PPIA: variants seen among roughly 807,000 people sequenced by gnomAD.
The protein encoded by PPIA is peptidylprolyl isomerase A, also known as peptidyl-prolyl cis-trans isomerase A.
PPIA carries 2 observed loss-of-function variants against 15.3 expected under a neutral mutation model. The ratio of observed to expected loss-of-function variants is 0.13; its 90% CI spans 0.05 to 0.41. The LOEUF (loss-of-function observed/expected upper bound fraction) is 0.41. Ranked by LOEUF, PPIA falls within the 10% of genes least tolerant of loss-of-function variation. PPIA has a pLI of 0.99. For synonymous variants in PPIA, 67 were observed against 73.1 expected (o/e 0.92, Z 0.43); for missense variants, 103 against 210.3 (o/e 0.49, Z 3.16).
intron 1 of PPIA, among the ~76,000 whole-genome samples, chr7:44,797,691 A>G (rs1792421305): frequency 1.3e-5 from 2 of 152,244 alleles, no homozygotes; most frequent in Non-Finnish European, 2.9e-5. Context: ...AGTTGTAATT[A>G]TAGCATAGTA....
At chr7:44,800,116 G>A (rs1792501212) in intron 4 of PPIA, 1 of 504,082 alleles carries the variant, frequency 2.0e-6, no homozygotes, top group African/African-American at 1.9e-5. Flanking sequence ...TTGAGATGGA[G>A]TTTTGCTCTG....
At chr7:44,799,151 G>A (rs1240461312) in intron 1 of PPIA, 96 bp from the exon 2 acceptor site, 3 of 1,365,816 alleles carry the variant, frequency 2.2e-6, no homozygotes, top group Non-Finnish European at 3.1e-6. Context: ...AAGTATTCTA[G>A]TGAGAAAATG....
chr7:44,799,568 C>G, intron 3 of PPIA, 88 bp downstream of exon 3: 1 of 1,566,912 alleles, frequency 6.4e-7, no homozygotes, highest in Middle Eastern at 1.7e-4. Context: ...CATATCTGAA[C>G]TGTTACTCTA....
At chr7:44,798,710 T>C (rs1792456665) in intron 1 of PPIA, 6 of 978,716 alleles carry the variant, frequency 6.1e-6, no homozygotes, top group South Asian at 9.4e-5. Flanking sequence ...AAACCAGATA[T>C]ACTAGAAACC....
chr7:44,799,125 AAAGT>A, intron 1 of PPIA, 118 bp from the exon 2 acceptor site: 1 of 1,243,512 alleles, frequency 8.0e-7, no homozygotes, highest in South Asian at 1.5e-5. Flanking sequence ...CTTGGGAATT[AAAGT>A]AATTACTGAA....
chr7:44,800,485 C>G (rs1339307945), intron 4 of PPIA: 2 of 152,710 alleles, frequency 1.3e-5, no homozygotes, highest in African/African-American at 4.9e-5. Context: ...CTCACTGCAA[C>G]CTCCTCCCGG....
Position 44,796,704 on chromosome 7 carries a change from G to T in PPIA, c.-21G>T, listed in dbSNP as rs747888881. On this transcript the variant is annotated 5_prime_UTR_variant, in exon 1 of 5. Coordinates refer to ENST00000468812, the MANE Select transcript of PPIA (RefSeq NM_021130.5). The stretch of plus-strand genomic sequence containing the variant: ...CCGTTTTGCAGACGCCACCGCCGAG[G>T]AAAACCGTGTACTATTAGCCATGGT... 2 of 1,609,436 alleles carry T rather than the reference G, an allele frequency of 1.2e-6. No individual in the cohort carries two copies. The highest frequency in any genetic ancestry group is 3.3e-5 in the Admixed American group (2 of 59,976).
intron 4 of PPIA, among the ~76,000 whole-genome samples, chr7:44,800,731 A>C (rs929382672): frequency 6.6e-6 from 1 of 152,034 alleles, no homozygotes; most frequent in Non-Finnish European, 1.5e-5. Flanking sequence ...TACTATTAAT[A>C]ACATGCGGTT....
At chr7:44,800,428 G>C (rs915760327) in intron 4 of PPIA, 1 of 144,714 alleles carries the variant, frequency 6.9e-6, no homozygotes, top group Non-Finnish European at 1.5e-5. Flanking sequence ...TCTCAGACTG[G>C]ATCTCGCTCT....
At chr7:44,799,643 G>C in intron 3 of PPIA, 59 bp from the exon 4 acceptor site, 1 of 1,607,606 alleles carries the variant, frequency 6.2e-7, no homozygotes, top group Middle Eastern at 1.7e-4. Flanking sequence ...GAACCTTGCA[G>C]ATTTGGCACA....
intron 4 of PPIA, chr7:44,800,572 T>C (rs1792521190): frequency 6.5e-6 from 1 of 154,080 alleles, no homozygotes; most frequent in Non-Finnish European, 1.4e-5. Context: ...AGCTAAATTG[T>C]GTATTATTAG....
In PPIA at chr7:44,799,949, C is replaced by T. The variant is rs1562771488; in HGVS notation, c.362+75C>T. 4 of 1,465,164 alleles carry T rather than the reference C, an allele frequency of 2.7e-6. No individual in the cohort carries two copies. In the East Asian group the frequency reaches 9.1e-5, roughly 33 times the overall value. 90.8% of individuals were successfully genotyped at this position (1,465,164 alleles called of 1,614,324 possible). On this transcript the variant is annotated intron_variant, in intron 4 of 4. Coordinates refer to ENST00000468812, the MANE Select transcript of PPIA (RefSeq NM_021130.5). ...CCTGGGGGGAACGGAACAAACACTA[C>T]TTTTCTTCAACCTTTGCTTCCACAG...
In PPIA at chr7:44,796,798, G is replaced by A. The variant is rs759106028; in HGVS notation, c.69+5G>A. 5 of 1,603,252 alleles carry A rather than the reference G, an allele frequency of 3.1e-6. No individual in the cohort carries two copies. Among genetic ancestry groups the A allele is most frequent in the Non-Finnish European group, 4.3e-6 (5 of 1,175,652 alleles). On this transcript the variant is annotated splice_donor_5th_base_variant and intron_variant, in intron 1 of 4. Coordinates refer to ENST00000468812, the MANE Select transcript of PPIA (RefSeq NM_021130.5). ...TTGGGCCGCGTCTCCTTTGAGGTCG[G>A]GCGGGCGGCGGCGTGCGGGAATGGG...
At chr7:44,799,181 C>G in intron 1 of PPIA, 66 bp from the exon 2 acceptor site, 1 of 1,513,880 alleles carries the variant, frequency 6.6e-7, no homozygotes, top group Admixed American at 1.9e-5. Context: ...CTCAGAAGCC[C>G]CTAAAGACAT....
At chr7:44,797,738 A>C (rs1792424020) in intron 1 of PPIA, among the ~76,000 whole-genome samples, 1 of 152,248 alleles carries the variant, frequency 6.6e-6, no homozygotes, top group Non-Finnish European at 1.5e-5. Context: ...TTAAATATTG[A>C]GTACGATTCC....
At chr7:44,797,986 C>T (rs1389856743) in intron 1 of PPIA, 1 of 152,208 alleles carries the variant, frequency 6.6e-6, no homozygotes, top group Non-Finnish European at 1.5e-5. Context: ...CCCACCCCAC[C>T]TATGAGTGTA....
chr7:44,799,109 G>A, intron 1 of PPIA, 138 bp from the exon 2 acceptor site: 6 of 1,163,394 alleles, frequency 5.2e-6, no homozygotes, highest in Non-Finnish European at 7.2e-6. Flanking sequence ...GCTGTCAGGA[G>A]CAGTTCTTGG....
chr7:44,800,970 A>G (rs1436521509), intron 4 of PPIA, among the ~76,000 whole-genome samples: 2 of 152,056 alleles, frequency 1.3e-5, no homozygotes, highest in Admixed American at 6.6e-5. Context: ...GGCACACGCC[A>G]CCATGCCCGG....
chr7:44,801,142 T>G, intron 4 of PPIA, 145 bp from the exon 5 acceptor site: 1 of 1,013,952 alleles, frequency 9.9e-7, no homozygotes, highest in Non-Finnish European at 1.4e-6. Context: ...TTAATGGTAA[T>G]TGGAGAATCA....
Sources: gnomAD v4.1 joint callset for allele counts (sites outside exome capture counted in the v4.1 genomes callset) on GRCh38, gnomAD v4.1.1 for gene constraint, MANE v1.5 for transcripts, NCBI Gene and HGNC (gene_info 2026-07-23, HGNC 2026-07-21) for gene names.